The following THADA variants were observed in gnomAD, a reference collection of about 807,000 sequenced individuals.
THADA encodes the protein THADA armadillo repeat containing.
A neutral mutation model predicts 219.8 loss-of-function variants in THADA; 213 were observed. That is an observed-to-expected ratio of 0.97 (90% CI 0.87 to 1.09). The LOEUF (loss-of-function observed/expected upper bound fraction) is 1.09. Ranked by LOEUF, THADA falls within the 50% of genes least tolerant of loss-of-function variation. The pLI is 0.00. For synonymous variants in THADA, 1,018 were observed against 828.9 expected, an observed-to-expected ratio of 1.23 and a Z score of -3.92; for missense variants, 2,956 against 2,311.3, an observed-to-expected ratio of 1.28 and a Z score of -5.72.
chr2:43,458,796 T>G (rs1683303717), intron 26 of THADA, among the ~76,000 whole-genome samples: 1 of 152,198 alleles, frequency 6.6e-6, no homozygotes, highest in Non-Finnish European at 1.5e-5. Context: ...AATATTAATT[T>G]GAGATTCCTA....
At chr2:43,310,559 G>T (rs1189021401) in intron 31 of THADA, among the ~76,000 whole-genome samples, 1 of 152,162 alleles carries the variant, frequency 6.6e-6, no homozygotes, top group Non-Finnish European at 1.5e-5. Context: ...GAATGAGGCT[G>T]AATCTGTACC....
chr2:43,463,691 G>A (rs2104937295), intron 26 of THADA, among the ~76,000 whole-genome samples: 1 of 145,448 alleles, frequency 6.9e-6, no homozygotes, highest in Admixed American at 6.7e-5. Flanking sequence ...TTTACTAAAG[G>A]CAAATTCCAA....
intron 25 of THADA, among the ~76,000 whole-genome samples, chr2:43,485,918 CTT>C (rs1558838528): frequency 6.6e-6 from 1 of 151,290 alleles, no homozygotes; most frequent in Admixed American, 6.6e-5. Context: ...TTGCTTTTGA[CTT>C]TTTGTTGTTG....
At chr2:43,282,513 T>C (rs1263888886) in intron 35 of THADA, among the ~76,000 whole-genome samples, 1 of 152,214 alleles carries the variant, frequency 6.6e-6, no homozygotes, top group Non-Finnish European at 1.5e-5. Context: ...TGAAAGCTCC[T>C]TGGAGGCAGT....
intron 7 of THADA, among the ~76,000 whole-genome samples, chr2:43,584,311 G>T (rs1700782769): frequency 6.6e-6 from 1 of 152,128 alleles, no homozygotes; most frequent in Non-Finnish European, 1.5e-5. Context: ...TACCACTCAG[G>T]AAAGAGATCT....
chr2:43,275,688 TG>T (rs1672654118), intron 36 of THADA, among the ~76,000 whole-genome samples: 3 of 152,206 alleles, frequency 2.0e-5, no homozygotes, highest in African/African-American at 7.2e-5. Context: ...ATCCCTGGCT[TG>T]TAGGAAAGGC....
At chr2:43,467,382 G>C (rs72881072) in intron 26 of THADA, among the ~76,000 whole-genome samples, 2,643 of 152,124 alleles carry the variant, frequency 0.017, 36 homozygotes, top group African/African-American at 0.043. Flanking sequence ...ATTTAGAAAA[G>C]GGACAATAAT....
intron 28 of THADA, among the ~76,000 whole-genome samples, chr2:43,419,916 C>T (rs1306453546): frequency 6.6e-6 from 1 of 152,128 alleles, no homozygotes; most frequent in Non-Finnish European, 1.5e-5. Flanking sequence ...AAAGGTGCAC[C>T]ATCAATGGTT....
chr2:43,589,793 A>G (rs1701366146), intron 4 of THADA, among the ~76,000 whole-genome samples: 1 of 152,140 alleles, frequency 6.6e-6, no homozygotes, highest in Non-Finnish European at 1.5e-5. Context: ...TATTCATGTA[A>G]CCAAGTACCA....
chr2:43,548,360 C>A (rs976940919), intron 20 of THADA, among the ~76,000 whole-genome samples: 4 of 152,182 alleles, frequency 2.6e-5, no homozygotes, highest in African/African-American at 7.2e-5. Flanking sequence ...TCTCAGATCT[C>A]CAGCTGTGTG....
rs780917748 is a variant in THADA at position 43,570,395 on chromosome 2, T to C, written c.2180A>G (p.Gln727Arg). 6.2e-7 allele frequency: 1 copy of C among 1,610,996 alleles called. No individual in the cohort carries two copies. Among genetic ancestry groups the C allele is most frequent in the Non-Finnish European group, 8.5e-7 (1 of 1,179,006 alleles). ...TKQHPSVSLQ[Q>R]YKNFMSSICN... ...TAGAAATATATCACCTACCTTATAC[T>C]GCTGTAAAGAAACAGAAGGGTGCTG... Residue 727 changes from glutamine (Q) to arginine (R), a missense_variant, in exon 14 of 38, where the codon CAG (glutamine) becomes CGG (arginine). By Grantham distance (43) the Gln-to-Arg change is conservative (BLOSUM62 1). Transcript: ENST00000405975.
intron 26 of THADA, among the ~76,000 whole-genome samples, chr2:43,432,015 C>A (rs1224593987): frequency 7.7e-6 from 1 of 130,510 alleles, no homozygotes; most frequent in East Asian, 2.0e-4. Context: ...CGCCACTACG[C>A]CCGGCTAATT....
At chr2:43,357,748 G>T (rs985294276) in intron 29 of THADA, among the ~76,000 whole-genome samples, 3 of 152,150 alleles carry the variant, frequency 2.0e-5, no homozygotes, top group Admixed American at 2.0e-4. Context: ...AGATCTCCAA[G>T]TCATACTGTA....
intron 31 of THADA, among the ~76,000 whole-genome samples, chr2:43,299,704 T>C (rs1164123541): frequency 6.6e-6 from 1 of 150,710 alleles, no homozygotes; most frequent in South Asian, 2.1e-4. Context: ...TCACAAAATG[T>C]TTAGTGTCCT....
chr2:43,533,847 T>G (rs1694213256), intron 21 of THADA, among the ~76,000 whole-genome samples: 1 of 152,192 alleles, frequency 6.6e-6, no homozygotes, highest in Non-Finnish European at 1.5e-5. Context: ...CCGTGGCACA[T>G]GTATACCTAC....
chr2:43,427,041 A>G (rs1678531706), intron 28 of THADA, among the ~76,000 whole-genome samples: 1 of 152,242 alleles, frequency 6.6e-6, no homozygotes, highest in African/African-American at 2.4e-5. Flanking sequence ...AGGCTCTAAA[A>G]GAAGAGAACC....
chr2:43,565,192 C>T (rs929819928), intron 15 of THADA: 1 of 152,156 alleles, frequency 6.6e-6, no homozygotes, highest in Non-Finnish European at 1.5e-5. Context: ...AATCCCAGCA[C>T]TTTGGGAGAC....
intron 26 of THADA, among the ~76,000 whole-genome samples, chr2:43,458,815 T>C (rs1295691692): frequency 6.6e-6 from 1 of 152,178 alleles, no homozygotes. Flanking sequence ...TAAAGGGGGA[T>C]GTATATATGT....
chr2:43,472,430 A>T (rs899249439), intron 26 of THADA, among the ~76,000 whole-genome samples: 7 of 152,180 alleles, frequency 4.6e-5, no homozygotes, highest in African/African-American at 1.7e-4. Context: ...TGCTACTATA[A>T]TATTGATAAC....
Sources: gnomAD v4.1 joint callset for allele counts (sites outside exome capture counted in the v4.1 genomes callset) on GRCh38, gnomAD v4.1.1 for gene constraint, MANE v1.5 for transcripts, NCBI Gene and HGNC (gene_info 2026-07-23, HGNC 2026-07-21) for gene names.